The following EML4 variants were observed in gnomAD, a reference collection of about 807,000 sequenced individuals.
The protein encoded by EML4 is EMAP like 4, also known as echinoderm microtubule-associated protein-like 4.
Under a neutral mutation model 129.0 loss-of-function variants are expected in EML4, and 72 were observed. That is an observed-to-expected ratio of 0.56 (90% CI 0.46 to 0.68). The LOEUF (loss-of-function observed/expected upper bound fraction) is 0.68. EML4 is among the 30% of genes least tolerant of loss of function. EML4 has a pLI of 0.00. For synonymous variants in EML4, 532 were observed against 405.0 expected (o/e 1.31, Z -3.77); for missense variants, 1,363 against 1,190.6 (o/e 1.14, Z -2.13).
intron 1 of EML4, 149 bp downstream of exon 1, chr2:42,169,785 C>G: frequency 1.2e-6 from 1 of 839,032 alleles, no homozygotes; most frequent in Non-Finnish European, 1.7e-6. Flanking sequence ...CGCCCCTCCG[C>G]GGACTCCGGT....
At chr2:42,310,491 G>T (rs183498743) in intron 17 of EML4, among the ~76,000 whole-genome samples, 2 of 152,034 alleles carry the variant, frequency 1.3e-5, no homozygotes, top group South Asian at 2.1e-4. Flanking sequence ...GACTACAAGC[G>T]TGCACCACCA....
chr2:42,235,414 G>A (rs1283246606), intron 1 of EML4, among the ~76,000 whole-genome samples: 1 of 152,110 alleles, frequency 6.6e-6, no homozygotes, highest in African/African-American at 2.4e-5. Context: ...AGTGAGCTGA[G>A]ATCATGCCAC....
chr2:42,283,884 G>A (rs954488878), intron 8 of EML4, among the ~76,000 whole-genome samples: 2 of 152,188 alleles, frequency 1.3e-5, no homozygotes, highest in Admixed American at 6.5e-5. Context: ...GTATTAATAT[G>A]TAAATATCCC....
At chr2:42,188,141 A>C (rs186108934) in intron 1 of EML4, among the ~76,000 whole-genome samples, 1 of 152,132 alleles carries the variant, frequency 6.6e-6, no homozygotes, top group Admixed American at 6.5e-5. Flanking sequence ...AACAGACCAC[A>C]TATGTGTAGA....
At chr2:42,314,398 C>T (rs1238846838) in intron 17 of EML4, among the ~76,000 whole-genome samples, 4 of 151,976 alleles carry the variant, frequency 2.6e-5, no homozygotes, top group African/African-American at 7.2e-5. Context: ...CTGTTCAGTT[C>T]ATGAATGAAT....
intron 1 of EML4, among the ~76,000 whole-genome samples, chr2:42,189,069 G>A (rs1037987194): frequency 6.6e-6 from 1 of 152,020 alleles, no homozygotes; most frequent in African/African-American, 2.4e-5. Flanking sequence ...ATTTCACTTT[G>A]TTGCCTAGGC....
At chr2:42,266,680 G>A (rs906120981) in intron 6 of EML4, among the ~76,000 whole-genome samples, 10 of 151,356 alleles carry the variant, frequency 6.6e-5, no homozygotes, top group East Asian at 5.8e-4. Context: ...TAGAGTCGGC[G>A]GTATGTGATA....
In EML4 at chr2:42,169,575, C is replaced by T. The variant is rs1176110717; in HGVS notation, c.-37C>T. On this transcript the variant is annotated 5_prime_UTR_variant, in exon 1 of 23. Coordinates refer to ENST00000318522, the MANE Select transcript of EML4 (RefSeq NM_019063.5). The stretch of plus-strand genomic sequence containing the variant: ...GTCGGTCCGCTGAATGAAGTGCCCG[C>T]CCCTCTAAGCCCGGAGCCCGGCGCT... 3.1e-6 allele frequency: 5 copies of T among 1,593,796 alleles called. No individual in the cohort carries two copies. In the African/African-American group the frequency reaches 6.8e-5, roughly 22 times the overall value.
chr2:42,331,236 CT>C lies in EML4; in HGVS notation c.*1037del. On this transcript the variant is annotated 3_prime_UTR_variant, in exon 23 of 23. Coordinates refer to ENST00000318522, the MANE Select transcript of EML4 (RefSeq NM_019063.5). ...TAAGATACTCATCAAATTGCAAATT[CT>C]TTTTTTTACAGAAGTGTGGGTAACA... 1.8e-5 allele frequency: 4 copies of C among 220,422 alleles called. No individual in the cohort carries two copies. Among genetic ancestry groups the C allele is most frequent in the Non-Finnish European group, 3.6e-5 (4 of 109,926 alleles). The allele number at this position is 220,422 out of a possible 1,614,324, so 13.7% of individuals were successfully genotyped here.
At chr2:42,254,775 C>G (rs1004239499) in intron 2 of EML4, among the ~76,000 whole-genome samples, 4 of 152,024 alleles carry the variant, frequency 2.6e-5, no homozygotes, top group East Asian at 3.9e-4. Context: ...CTCAGCAGTT[C>G]CGCTCCTAGG....
chr2:42,258,083 G>T (rs1373736217), intron 3 of EML4, among the ~76,000 whole-genome samples: 1 of 152,140 alleles, frequency 6.6e-6, no homozygotes, highest in East Asian at 1.9e-4. Context: ...TTGTTGCTGT[G>T]TAGTGATCAG....
chr2:42,229,331 A>C lies in EML4; in HGVS notation c.26-16174A>C, dbSNP rs186516303. ...GAATCTGAGGCATGAAGAAGTTAAG[A>C]AACTTGCCTGGGTATATAGTTACTA... On this transcript the variant is annotated intron_variant, in intron 1 of 22. Coordinates refer to ENST00000318522, the MANE Select transcript of EML4 (RefSeq NM_019063.5). Among the ~76,000 whole-genome samples the C allele has an allele frequency of 3.7e-3, 571 of 152,308 alleles. 18 individuals carry two copies. The highest frequency in any genetic ancestry group is 8.7e-4 in the Non-Finnish European group (59 of 68,004).
chr2:42,257,899 G>C (rs1421704198), intron 3 of EML4, among the ~76,000 whole-genome samples: 4 of 151,338 alleles, frequency 2.6e-5, no homozygotes, highest in South Asian at 2.1e-4. Flanking sequence ...ACAGAATCTA[G>C]ACTTTCCCCT....
chr2:42,182,265 G>A (rs1016599660), intron 1 of EML4, among the ~76,000 whole-genome samples: 1 of 149,916 alleles, frequency 6.7e-6, no homozygotes, highest in Non-Finnish European at 1.5e-5. Context: ...CCACTAACTC[G>A]TCATCTAGCA....
intron 22 of EML4, 135 bp from the exon 23 acceptor site, chr2:42,329,599 G>A: frequency 1.5e-6 from 1 of 667,618 alleles, no homozygotes; most frequent in East Asian, 2.7e-5. Context: ...CCTGAGATTT[G>A]ATGACTTCTG....
chr2:42,275,523 C>T (rs541132263), intron 6 of EML4, among the ~76,000 whole-genome samples: 2 of 152,318 alleles, frequency 1.3e-5, no homozygotes, highest in African/African-American at 2.4e-5. Flanking sequence ...TTTCATCCAG[C>T]CCCAACATTA....
chr2:42,202,798 A>G (rs1011412496), intron 1 of EML4, among the ~76,000 whole-genome samples: 14 of 152,096 alleles, frequency 9.2e-5, no homozygotes, highest in Admixed American at 2.6e-4. Context: ...ACACCCTTCA[A>G]TCCAATCAAG....
chr2:42,217,284 G>C (rs1159356183), intron 1 of EML4, among the ~76,000 whole-genome samples: 1 of 152,086 alleles, frequency 6.6e-6, no homozygotes, highest in African/African-American at 2.4e-5. Context: ...CTCCTGTACT[G>C]AACAGGATTA....
chr2:42,239,965 A>G lies in EML4; in HGVS notation c.26-5540A>G, dbSNP rs1029767164. ...TTTCAAAATGGAAAGAACAAGAGCA[A>G]TGCATAATATAGTCATCAGAGGAAG... On this transcript the variant is annotated intron_variant, in intron 1 of 22. Transcript: ENST00000318522. Among the ~76,000 whole-genome samples, 4 of 152,318 alleles carry G rather than the reference A, an allele frequency of 2.6e-5. No individual in the cohort carries two copies. The East Asian group carries it at 5.8e-4, about 22-fold the overall frequency.
Sources: gnomAD v4.1 joint callset for allele counts (sites outside exome capture counted in the v4.1 genomes callset) on GRCh38, gnomAD v4.1.1 for gene constraint, MANE v1.5 for transcripts, NCBI Gene and HGNC (gene_info 2026-07-23, HGNC 2026-07-21) for gene names.